The following DLGAP2 variants were observed in gnomAD, a reference collection of about 807,000 sequenced individuals.
DLGAP2 encodes DLG associated protein 2, also known as disks large-associated protein 2.
DLGAP2 carries 26 observed loss-of-function variants against 100.3 expected under a neutral mutation model. That is an observed-to-expected ratio of 0.26 (90% CI 0.19 to 0.36). The LOEUF (loss-of-function observed/expected upper bound fraction) is 0.36. Ranked by LOEUF, DLGAP2 falls within the 10% of genes least tolerant of loss-of-function variation. The probability of loss-of-function intolerance (pLI) is 1.00; values close to 1 mark genes in which losing one functional copy is unlikely to be tolerated. For missense variants in DLGAP2, 1,858 were observed against 1,453.2 expected (o/e 1.28, Z -4.53); for synonymous variants, 886 against 630.1 (o/e 1.41, Z -6.08).
chr8:799,169 G>T (rs531296691), intron 1 of DLGAP2, among the ~76,000 whole-genome samples: 2 of 152,242 alleles, frequency 1.3e-5, no homozygotes, highest in South Asian at 4.2e-4. Flanking sequence ...TTGGGAGGCC[G>T]ACACCCCAGG....
intron 3 of DLGAP2, among the ~76,000 whole-genome samples, chr8:1,474,618 G>C (rs983699319): frequency 2.0e-5 from 3 of 152,162 alleles, no homozygotes; most frequent in Admixed American, 1.3e-4. Flanking sequence ...CAGAAAACAT[G>C]ATAAAATGCT....
In DLGAP2 at chr8:974,769, T is replaced by G. The variant is rs575547473; in HGVS notation, c.73+66803T>G. Among the ~76,000 whole-genome samples the G allele has an allele frequency of 1.3e-3, 197 of 152,310 alleles. 1 individual carries two copies. The highest frequency in any genetic ancestry group is 3.9e-3 in the South Asian group (19 of 4,828). Reference sequence around the variant, plus strand: ...AAGGCCAGATTAAAAGGAAATGTATTTACCATTGAATACATATTTAGAAAT... The same window carrying G: ...AAGGCCAGATTAAAAGGAAATGTATGTACCATTGAATACATATTTAGAAAT... On this transcript the variant is annotated intron_variant, in intron 2 of 14. Transcript: ENST00000637795.
chr8:1,243,731 C>G (rs1297498141), intron 2 of DLGAP2, among the ~76,000 whole-genome samples: 7 of 152,126 alleles, frequency 4.6e-5, no homozygotes, highest in African/African-American at 1.2e-4. Context: ...CTCCTCAAGT[C>G]CCAAACAACA....
chr8:1,443,273 T>C (rs1259725192), intron 3 of DLGAP2, among the ~76,000 whole-genome samples: 1 of 151,458 alleles, frequency 6.6e-6, no homozygotes, highest in Non-Finnish European at 1.5e-5. Flanking sequence ...ATGTTAATAC[T>C]TCCAGCCTTC....
At chr8:1,561,636 A>G (rs1395799073) in intron 5 of DLGAP2, among the ~76,000 whole-genome samples, 1 of 151,866 alleles carries the variant, frequency 6.6e-6, no homozygotes, top group Non-Finnish European at 1.5e-5. Context: ...GCTGTGATCC[A>G]CCTGCACCGT....
intron 3 of DLGAP2, among the ~76,000 whole-genome samples, chr8:1,414,567 A>G (rs938749698): frequency 6.6e-6 from 1 of 152,202 alleles, no homozygotes; most frequent in Non-Finnish European, 1.5e-5. Context: ...TGCAGAGTCC[A>G]CACCAGAGTG....
chr8:1,283,458 A>C lies in DLGAP2; in HGVS notation c.106+24575A>C, dbSNP rs149960544. ...TTTATTGAATATGAGTTATTTTAAAATAAACTACAAATGTATCATCCTTTG... is the reference window on the plus strand; with the variant it reads ...TTTATTGAATATGAGTTATTTTAAACTAAACTACAAATGTATCATCCTTTG... On this transcript the variant is annotated intron_variant, in intron 3 of 14. Coordinates refer to ENST00000637795, the MANE Select transcript of DLGAP2 (RefSeq NM_001346810.2). Among the ~76,000 whole-genome samples, 141 of 152,384 alleles carry C rather than the reference A, an allele frequency of 9.3e-4. 2 individuals carry two copies. The East Asian group carries it at 0.022, about 23-fold the overall frequency.
intron 1 of DLGAP2, among the ~76,000 whole-genome samples, chr8:787,309 C>G (rs1821895225): frequency 2.0e-5 from 3 of 152,204 alleles, no homozygotes; most frequent in Admixed American, 1.3e-4. Context: ...GATGGTGATA[C>G]TGACGTTCTG....
At chr8:1,591,713 C>G (rs1282580409) in intron 6 of DLGAP2, among the ~76,000 whole-genome samples, 1 of 152,168 alleles carries the variant, frequency 6.6e-6, no homozygotes, top group Non-Finnish European at 1.5e-5. Flanking sequence ...TTACACCCCA[C>G]ACACCCGCAT....
At chr8:1,232,780 G>C (rs750234606) in intron 2 of DLGAP2, among the ~76,000 whole-genome samples, 1 of 152,172 alleles carries the variant, frequency 6.6e-6, no homozygotes, top group South Asian at 2.1e-4. Flanking sequence ...ACTTTTTTGA[G>C]TAACTTTATT....
rs540518110 is a variant in DLGAP2 at position 1,267,689 on chromosome 8, G to C, written c.106+8806G>C. Among the ~76,000 whole-genome samples, 231 of 151,922 alleles carry C rather than the reference G, an allele frequency of 1.5e-3. 2 individuals are homozygous for C. Among genetic ancestry groups the C allele is most frequent in the South Asian group, 7.3e-3 (35 of 4,782 alleles). ...TCAGACACCATTTCCGTGATGAGAC[G>C]CCCACGTCCTCCGTGTCGCTGGCCC... On this transcript the variant is annotated intron_variant, in intron 3 of 14. Coordinates refer to ENST00000637795, the MANE Select transcript of DLGAP2 (RefSeq NM_001346810.2).
chr8:1,022,488 G>A (rs111719340), intron 2 of DLGAP2, among the ~76,000 whole-genome samples: 2 of 147,540 alleles, frequency 1.4e-5, no homozygotes, highest in African/African-American at 5.1e-5. Flanking sequence ...TCCTCCCTGG[G>A]ATTGGACGGT....
At chr8:1,052,201 C>T (rs1585015965) in intron 2 of DLGAP2, among the ~76,000 whole-genome samples, 1 of 152,180 alleles carries the variant, frequency 6.6e-6, no homozygotes, top group Non-Finnish European at 1.5e-5. Context: ...CCTCTGACCA[C>T]CCCTTCCCCC....
chr8:1,431,023 G>A (rs953026036), intron 3 of DLGAP2, among the ~76,000 whole-genome samples: 5 of 152,062 alleles, frequency 3.3e-5, no homozygotes, highest in Non-Finnish European at 7.4e-5. Flanking sequence ...CCCCTCTTAC[G>A]GAAAGGAACA....
chr8:1,605,918 C>A (rs527532478), intron 6 of DLGAP2, among the ~76,000 whole-genome samples: 1 of 152,228 alleles, frequency 6.6e-6, no homozygotes, highest in African/African-American at 2.4e-5. Flanking sequence ...AATCTCAGCT[C>A]GAGCTCGTGC....
At chr8:1,246,241 A>C (rs1772965416) in intron 2 of DLGAP2, among the ~76,000 whole-genome samples, 1 of 152,220 alleles carries the variant, frequency 6.6e-6, no homozygotes, top group Non-Finnish European at 1.5e-5. Context: ...TGAGAACGCA[A>C]CCACAAAATG....
At position 1,689,447 on chromosome 8, in the gene DLGAP2, AGG is replaced by A. The variant is rs149967402; in HGVS notation, c.2705-2084_2705-2083del. ...GATGGATCTCTCGCCTCTGCGTTCA[AGG>A]GGGCAAATCTCCAGGATAAATGCCC... On this transcript the variant is annotated intron_variant, in intron 12 of 14. Transcript: ENST00000637795. 7.6e-3 allele frequency among the ~76,000 whole-genome samples: 1,153 copies of A among 152,322 alleles called. 15 individuals carry two copies. The highest frequency in any genetic ancestry group is 0.056 in the East Asian group (289 of 5,182).
intron 3 of DLGAP2, among the ~76,000 whole-genome samples, chr8:1,498,681 T>G (rs56247443): frequency 0.036 from 5,439 of 152,242 alleles, 296 homozygotes; most frequent in African/African-American, 0.12. Flanking sequence ...AAATCGGCAT[T>G]TATAACAATC....
At chr8:906,956 C>A (rs566341257) in intron 1 of DLGAP2, among the ~76,000 whole-genome samples, 1 of 151,878 alleles carries the variant, frequency 6.6e-6, no homozygotes, top group Non-Finnish European at 1.5e-5. Flanking sequence ...GAAGAATTGG[C>A]GGGGAGAGGG....
Sources: allele counts gnomAD v4.1 joint callset (sites outside exome capture counted in the v4.1 genomes callset), GRCh38; gene constraint gnomAD v4.1.1; transcripts MANE v1.5; gene names NCBI Gene and HGNC (gene_info 2026-07-23, HGNC 2026-07-21).